ATP6V1A: variants seen among roughly 807,000 people sequenced by gnomAD.
The protein encoded by ATP6V1A is ATPase H+ transporting V1 subunit A, also known as V-type proton ATPase catalytic subunit A.
In ATP6V1A, 18 loss-of-function variants were observed where a neutral mutation model predicts 70.1. That is an observed-to-expected ratio of 0.26 (90% CI 0.18 to 0.38). The LOEUF (loss-of-function observed/expected upper bound fraction) is 0.38, where lower values mean the gene tolerates loss of function less well. ATP6V1A is among the 10% of genes least tolerant of loss of function. ATP6V1A has a pLI of 1.00. For missense variants in ATP6V1A, 424 were observed against 772.4 expected (o/e 0.55, Z 5.35); for synonymous variants, 232 against 253.8 (o/e 0.91, Z 0.82).
intron 1 of ATP6V1A, among the ~76,000 whole-genome samples, chr3:113,771,461 G>A (rs1162500302): frequency 4.8e-4 from 60 of 125,798 alleles, no homozygotes; most frequent in Non-Finnish European, 7.8e-4. Flanking sequence ...TTTTTGAGAC[G>A]GAGTCTCGCT....
chr3:113,792,790 C>T (rs886981034), intron 8 of ATP6V1A, among the ~76,000 whole-genome samples: 2 of 152,190 alleles, frequency 1.3e-5, no homozygotes, highest in African/African-American at 2.4e-5. Context: ...GTTTTTTCAA[C>T]ACGTTCTTAT....
intron 1 of ATP6V1A, among the ~76,000 whole-genome samples, chr3:113,769,667 A>G (rs976536370): frequency 2.6e-5 from 4 of 152,138 alleles, no homozygotes; most frequent in Non-Finnish European, 5.9e-5. Flanking sequence ...ACTTTATAGG[A>G]AAAAAATTTT....
chr3:113,780,034 T>G (rs1337729735), intron 2 of ATP6V1A, among the ~76,000 whole-genome samples: 1 of 152,142 alleles, frequency 6.6e-6, no homozygotes, highest in East Asian at 1.9e-4. Flanking sequence ...CCTCCTGCAA[T>G]TTTTAATTCT....
At chr3:113,754,916 G>A (rs1472888390) in intron 1 of ATP6V1A, among the ~76,000 whole-genome samples, 2 of 152,176 alleles carry the variant, frequency 1.3e-5, no homozygotes, top group Admixed American at 6.5e-5. Flanking sequence ...ACAGAAAATA[G>A]CAGATGCTTT....
chr3:113,753,085 C>T (rs1266005992), intron 1 of ATP6V1A, among the ~76,000 whole-genome samples: 1 of 152,078 alleles, frequency 6.6e-6, no homozygotes, highest in Non-Finnish European at 1.5e-5. Context: ...ATATATGTAA[C>T]AGATGAGTTA....
At chr3:113,768,770 ATT>A (rs961103282) in intron 1 of ATP6V1A, among the ~76,000 whole-genome samples, 5 of 151,800 alleles carry the variant, frequency 3.3e-5, no homozygotes, top group African/African-American at 9.7e-5. Context: ...TAATTTTTGT[ATT>A]TTTAGTAGAG....
chr3:113,760,371 A>G (rs886675295), intron 1 of ATP6V1A, among the ~76,000 whole-genome samples: 1 of 152,206 alleles, frequency 6.6e-6, no homozygotes, highest in Admixed American at 6.5e-5. Context: ...TCTTCTAAAC[A>G]TTGGGTTAAT....
chr3:113,769,759 G>A (rs909640426), intron 1 of ATP6V1A, among the ~76,000 whole-genome samples: 7 of 152,102 alleles, frequency 4.6e-5, no homozygotes, highest in Non-Finnish European at 2.9e-5. Context: ...CAGATCAGTT[G>A]CCTATGCTGC....
At chr3:113,780,753 C>T (rs1431474447) in intron 2 of ATP6V1A, 2 of 1,304,416 alleles carry the variant, frequency 1.5e-6, no homozygotes, top group Non-Finnish European at 1.0e-6. Context: ...TGTATCATAG[C>T]AACTCTCAGA....
intron 14 of ATP6V1A, among the ~76,000 whole-genome samples, chr3:113,808,076 G>T (rs1324177754): frequency 6.7e-6 from 1 of 150,348 alleles, no homozygotes; most frequent in Admixed American, 6.6e-5. Flanking sequence ...GTTGCGGTGA[G>T]CTGAGATCAC....
chr3:113,778,843 A>G lies in ATP6V1A; in HGVS notation c.82+8A>G. 6.6e-7 allele frequency: 1 copy of G among 1,515,852 alleles called. No homozygotes were observed. Among genetic ancestry groups the G allele is most frequent in the Non-Finnish European group, 8.9e-7 (1 of 1,122,680 alleles). 93.9% of individuals were successfully genotyped at this position (1,515,852 alleles called of 1,614,324 possible). A position where few individuals can be genotyped will look rare whatever the true frequency, so the allele number is the denominator to read the frequency against. On this transcript the variant is annotated splice_region_variant and intron_variant, in intron 2 of 14. Coordinates refer to ENST00000273398, the MANE Select transcript of ATP6V1A (RefSeq NM_001690.4). ...ATGGGGTCTCAGGACCTGGTAAGTAATACATCATAATCTCAAAATAAGGAT... is the reference window on the plus strand; with the variant it reads ...ATGGGGTCTCAGGACCTGGTAAGTAGTACATCATAATCTCAAAATAAGGAT...
intron 5 of ATP6V1A, among the ~76,000 whole-genome samples, 158 bp from the exon 6 acceptor site, chr3:113,786,074 T>C (rs1709036829): frequency 6.7e-6 from 1 of 149,830 alleles, no homozygotes. Context: ...AAAAAAAAGC[T>C]AAGACTATAT....
chr3:113,777,664 G>A (rs1259675440), intron 1 of ATP6V1A, among the ~76,000 whole-genome samples: 1 of 152,134 alleles, frequency 6.6e-6, no homozygotes, highest in Non-Finnish European at 1.5e-5. Context: ...GAGGTGGGAG[G>A]ATCTCTTGAG....
Position 113,795,140 on chromosome 3 carries a change from CGAGCAGGCAGGGT to C in ATP6V1A, c.1165_1177del (p.Ala389AsnfsTer15), listed in dbSNP as rs1559759105. ...TGCCCGTCTGGCCTCGTTTTATGAA[CGAGCAGGCAGGGT>C]GAAATGTCTTGGAAATCCTGAAAGA... On this transcript the variant is annotated frameshift_variant, in exon 10 of 15. Transcript: ENST00000273398. LOFTEE classifies it high-confidence loss of function. The C allele has an allele frequency of 6.2e-7, 1 of 1,614,044 alleles. No homozygotes were observed. Among genetic ancestry groups the C allele is most frequent in the Admixed American group, 1.7e-5 (1 of 60,012 alleles).
chr3:113,786,475 T>C, intron 6 of ATP6V1A, 92 bp downstream of exon 6: 1 of 1,310,292 alleles, frequency 7.6e-7, no homozygotes, highest in Non-Finnish European at 1.0e-6. Context: ...CTTATGTGTT[T>C]AACACTATAA....
intron 1 of ATP6V1A, among the ~76,000 whole-genome samples, chr3:113,757,405 C>T (rs1482784098): frequency 6.6e-6 from 1 of 152,162 alleles, no homozygotes; most frequent in East Asian, 1.9e-4. Context: ...ATACCTCCAC[C>T]CTCCAAATGA....
chr3:113,753,274 A>T (rs1463791156), intron 1 of ATP6V1A, among the ~76,000 whole-genome samples: 1 of 152,240 alleles, frequency 6.6e-6, no homozygotes, highest in Non-Finnish European at 1.5e-5. Flanking sequence ...ACAAGCAAAA[A>T]TTAAGTGGTA....
chr3:113,751,559 A>T (rs1708586601), intron 1 of ATP6V1A, among the ~76,000 whole-genome samples: 2 of 151,884 alleles, frequency 1.3e-5, no homozygotes. Flanking sequence ...TGTGAGCAAT[A>T]AAAATGTTTT....
intron 1 of ATP6V1A, among the ~76,000 whole-genome samples, chr3:113,747,721 C>A (rs1009031682): frequency 6.6e-6 from 1 of 152,126 alleles, no homozygotes; most frequent in African/African-American, 2.4e-5. Flanking sequence ...AAAAGAAGGG[C>A]TTTTACTTTT....
Sources: gnomAD v4.1 joint callset for allele counts (sites outside exome capture counted in the v4.1 genomes callset) on GRCh38, gnomAD v4.1.1 for gene constraint, MANE v1.5 for transcripts, NCBI Gene and HGNC (gene_info 2026-07-23, HGNC 2026-07-21) for gene names.